KANSL1: variants seen among roughly 807,000 people sequenced by gnomAD.
KANSL1 encodes KAT8 regulatory NSL complex subunit 1.
In KANSL1, 22 loss-of-function variants were observed where a neutral mutation model predicts 103.6. The observed-to-expected ratio is 0.21, with a 90% CI of 0.15 to 0.30. The LOEUF (loss-of-function observed/expected upper bound fraction) is 0.30, where lower values mean the gene tolerates loss of function less well. KANSL1 is among the 10% of genes least tolerant of loss of function. The pLI, the probability that KANSL1 is intolerant of heterozygous loss-of-function variation, is 1.00. For missense variants in KANSL1, 1,337 were observed against 1,399.8 expected, an observed-to-expected ratio of 0.96 and a Z score of 0.72; for synonymous variants, 600 against 527.6, an observed-to-expected ratio of 1.14 and a Z score of -1.88.
At chr17:46,213,275 G>A (rs1328353989) in intron 1 of KANSL1, among the ~76,000 whole-genome samples, 5 of 151,958 alleles carry the variant, frequency 3.3e-5, no homozygotes, top group Admixed American at 6.6e-5. Context: ...GGGGACAAGC[G>A]TTTTATTTGT....
intron 2 of KANSL1, among the ~76,000 whole-genome samples, chr17:46,123,152 G>A (rs574398619): frequency 1.1e-4 from 16 of 152,328 alleles, no homozygotes; most frequent in South Asian, 4.1e-4. Context: ...GGCGGCAGGC[G>A]GATCACCTGA....
chr17:46,190,742 A>G (rs1323775039), intron 1 of KANSL1, among the ~76,000 whole-genome samples: 1 of 152,280 alleles, frequency 6.6e-6, no homozygotes, highest in Non-Finnish European at 1.5e-5. Context: ...GTACTAACAA[A>G]TACACCAAAT....
chr17:46,108,720 C>T (rs530113344), intron 2 of KANSL1, among the ~76,000 whole-genome samples: 295 of 152,316 alleles, frequency 1.9e-3, no homozygotes, highest in Non-Finnish European at 3.2e-3. Context: ...CCTAACTTTT[C>T]CTTACAAAAG....
intron 1 of KANSL1, among the ~76,000 whole-genome samples, chr17:46,187,980 T>C (rs1034784628): frequency 2.0e-5 from 3 of 152,252 alleles, no homozygotes; most frequent in African/African-American, 4.8e-5. Flanking sequence ...AAAATATATA[T>C]TGCAGCTCTT....
intron 1 of KANSL1, among the ~76,000 whole-genome samples, chr17:46,175,310 C>CTGTGTGTGTGTGTGTGTGTGTG (rs71138529): frequency 7.3e-6 from 1 of 137,478 alleles, no homozygotes; most frequent in African/African-American, 2.8e-5. Context: ...TGTCTTATTG[C>CTGTGTGTGTGTGTGTGTGTGTG]TGTGTGTGTG....
chr17:46,070,854 G>T (rs748303815), intron 4 of KANSL1, among the ~76,000 whole-genome samples: 1 of 152,122 alleles, frequency 6.6e-6, no homozygotes, highest in African/African-American at 2.4e-5. Flanking sequence ...CGGGTTGACT[G>T]ACTCTCCATT....
At chr17:46,218,864 T>A (rs78358711) in intron 1 of KANSL1, among the ~76,000 whole-genome samples, 21,949 of 152,054 alleles carry the variant, frequency 0.14, 2,137 homozygotes, top group Non-Finnish European at 0.22. Flanking sequence ...TTTACAGATA[T>A]AATACAAAAG....
At position 46,216,756 on chromosome 17, in the gene KANSL1, T is replaced by C. The variant is rs138138686; in HGVS notation, c.-90+6915A>G. On this transcript the variant is annotated intron_variant, in intron 1 of 14. Transcript: ENST00000572904. ...GTAGGTGTCGAGGGTCTAGTACCCA[T>C]GATAAATGATATACACCTGTTCTGG... is the stretch of plus-strand genomic sequence containing the variant. Among the ~76,000 whole-genome samples the C allele has an allele frequency of 5.2e-3, 792 of 152,278 alleles. 8 individuals carry two copies. Among genetic ancestry groups the C allele is most frequent in the African/African-American group, 0.018 (757 of 41,536 alleles).
Position 46,171,344 on chromosome 17 carries a change from T to G in KANSL1, c.800A>C (p.Lys267Thr). 6.2e-7 allele frequency: 1 copy of G among 1,614,150 alleles called. No individual in the cohort carries two copies. Among genetic ancestry groups the G allele is most frequent in the Non-Finnish European group, 8.5e-7 (1 of 1,180,036 alleles). The change falls in exon 2 of 15, where the codon AAG (lysine) becomes ACG (threonine). Residue 267 changes from lysine to threonine, a missense_variant. This residue lies in a region of KANSL1 where 557 missense variants were observed against 476.4 expected (regional missense o/e 1.17). Coordinates refer to ENST00000432791, the MANE Select transcript of KANSL1 (RefSeq NM_015443.4). ...NLGGVKLEGK[K>T]SPLSSILFSA... ...GAAAAGAATGGAAGACAGGGGAGAC[T>G]TTTTACCCTCCAATTTGACACCCCC...
chr17:46,167,951 T>C (rs1161244196), intron 2 of KANSL1, among the ~76,000 whole-genome samples: 1 of 152,200 alleles, frequency 6.6e-6, no homozygotes, highest in African/African-American at 2.4e-5. Context: ...TAAAAACAGC[T>C]CATTCCAACA....
At position 46,141,572 on chromosome 17, in the gene KANSL1, G is replaced by A. The variant is rs941034299; in HGVS notation, c.1289+29283C>T. ...GAGCTACTGCAGAAAATCTGGGTGC[G>A]AAATAAGAAAAGACAATCAGAGAGT... On this transcript the variant is annotated intron_variant, in intron 2 of 14. Transcript: ENST00000432791. 2.6e-5 allele frequency among the ~76,000 whole-genome samples: 4 copies of A among 152,108 alleles called. No homozygotes were observed. In the East Asian group the frequency reaches 5.8e-4, roughly 22 times the overall value.
intron 2 of KANSL1, among the ~76,000 whole-genome samples, chr17:46,127,422 G>A: frequency 6.6e-6 from 1 of 152,162 alleles, no homozygotes; most frequent in South Asian, 2.1e-4. Context: ...TTAGAATCTG[G>A]CAGGTTTTCT....
intron 2 of KANSL1, among the ~76,000 whole-genome samples, chr17:46,169,011 T>C (rs1373622045): frequency 6.6e-6 from 1 of 152,252 alleles, no homozygotes; most frequent in Admixed American, 6.5e-5. Flanking sequence ...CAGAAATGTT[T>C]TCAATGCAAC....
At chr17:46,221,548 G>A (rs2048533229) in intron 1 of KANSL1, 1 of 147,622 alleles carries the variant, frequency 6.8e-6, no homozygotes, top group African/African-American at 2.4e-5. Flanking sequence ...TCTAATTAAC[G>A]AGAGTGCCTT....
intron 6 of KANSL1, 148 bp downstream of exon 6, chr17:46,066,389 A>G: frequency 1.9e-6 from 1 of 516,122 alleles, no homozygotes; most frequent in Non-Finnish European, 3.3e-6. Flanking sequence ...CAGAGCAAAC[A>G]GGGCCCAGGA....
chr17:46,104,823 C>CT (rs1262503483), intron 2 of KANSL1, among the ~76,000 whole-genome samples: 31 of 148,362 alleles, frequency 2.1e-4, no homozygotes, highest in South Asian at 1.5e-3. Flanking sequence ...TGTCTTTTTT[C>CT]TTTTTTTTTT....
chr17:46,033,810 C>A (rs1267762250), intron 11 of KANSL1, among the ~76,000 whole-genome samples: 3 of 152,216 alleles, frequency 2.0e-5, no homozygotes, highest in African/African-American at 7.2e-5. Flanking sequence ...GTTGCCTAAT[C>A]TTCTGTTTGG....
intron 4 of KANSL1, among the ~76,000 whole-genome samples, chr17:46,072,571 G>A (rs548484934): frequency 1.1e-4 from 17 of 152,078 alleles, no homozygotes; most frequent in African/African-American, 4.1e-4. Context: ...GCATAGTTTC[G>A]CTTAAATTCA....
chr17:46,167,068 A>AG (rs2046041040), intron 2 of KANSL1, among the ~76,000 whole-genome samples: 1 of 151,432 alleles, frequency 6.6e-6, no homozygotes, highest in Admixed American at 6.6e-5. Context: ...AAAAAAAAAA[A>AG]CTTAGGAGAG....
Sources: gnomAD v4.1 joint callset for allele counts (sites outside exome capture counted in the v4.1 genomes callset) on GRCh38, gnomAD v4.1.1 for gene constraint, gnomAD v4.1.1 regional missense constraint, MANE v1.5 for transcripts, NCBI Gene and HGNC (gene_info 2026-07-23, HGNC 2026-07-21) for gene names.